CPED1: variants seen among roughly 807,000 people sequenced by gnomAD.
CPED1 encodes cadherin like and PC-esterase domain containing 1.
CPED1 carries 114 observed loss-of-function variants against 128.2 expected under a neutral mutation model. The ratio of observed to expected loss-of-function variants is 0.89; its 90% CI spans 0.76 to 1.04. The LOEUF (loss-of-function observed/expected upper bound fraction) is 1.04, where lower values mean the gene tolerates loss of function less well. Ranked by LOEUF, CPED1 falls within the 50% of genes least tolerant of loss-of-function variation. CPED1 has a pLI of 0.00. For synonymous variants in CPED1, 462 were observed against 426.7 expected, an observed-to-expected ratio of 1.08 and a Z score of -1.02; for missense variants, 1,211 against 1,207.1, an observed-to-expected ratio of 1.00 and a Z score of -0.05.
intron 16 of CPED1, among the ~76,000 whole-genome samples, chr7:121,168,745 T>C (rs1796589226): frequency 1.3e-5 from 2 of 152,230 alleles, no homozygotes; most frequent in Non-Finnish European, 2.9e-5. Flanking sequence ...ACTACCCTTT[T>C]CAGCCTTTGG....
Position 121,266,241 on chromosome 7 carries a change from A to G in CPED1, c.2325A>G (p.Gly775=). 1.9e-6 allele frequency: 3 copies of G among 1,611,680 alleles called. No homozygotes were observed. The highest frequency in any genetic ancestry group is 2.5e-6 in the Non-Finnish European group (3 of 1,178,186). Residue 775 remains glycine (G), a synonymous_variant, in exon 19 of 23, where the codon GGA becomes GGG. Coordinates refer to ENST00000310396, the MANE Select transcript of CPED1 (RefSeq NM_024913.5). ...TTAACTTATAGATTCTGTTCATTGG[A>G]GATTCAACCAACAGAGGGATCATGT... is the stretch of plus-strand genomic sequence containing the variant. ...CLGGRKILFI[G]DSTNRGIMYY...
chr7:121,052,381 G>A (rs112475037), intron 4 of CPED1, among the ~76,000 whole-genome samples: 1,753 of 152,252 alleles, frequency 0.012, 25 homozygotes, highest in Middle Eastern at 0.034. Flanking sequence ...AACTCTTCCC[G>A]TGACTCTTTT....
At position 121,003,269 on chromosome 7, in the gene CPED1, A is replaced by G. The variant is rs373420681; in HGVS notation, c.250-12396A>G. The stretch of plus-strand genomic sequence containing the variant: ...AGCAATTTGTTTGACCATCTAAGAC[A>G]TGATTTCCACTTTAGACCTGACTGA... On this transcript the variant is annotated intron_variant, in intron 2 of 22. Coordinates refer to ENST00000310396, the MANE Select transcript of CPED1 (RefSeq NM_024913.5). 3.9e-5 allele frequency among the ~76,000 whole-genome samples: 6 copies of G among 152,210 alleles called. No individual in the cohort carries two copies. The South Asian group carries it at 1.0e-3, about 26-fold the overall frequency.
chr7:121,099,104 G>T (rs1020410106), intron 6 of CPED1, among the ~76,000 whole-genome samples: 1 of 151,002 alleles, frequency 6.6e-6, no homozygotes, highest in African/African-American at 2.4e-5. Flanking sequence ...GATTGAACTA[G>T]TGGGGAAAGT....
intron 16 of CPED1, among the ~76,000 whole-genome samples, chr7:121,232,980 C>T (rs1356352922): frequency 1.3e-5 from 2 of 152,002 alleles, no homozygotes; most frequent in Non-Finnish European, 2.9e-5. Flanking sequence ...AAATATTACT[C>T]ATTCTTTTGT....
chr7:120,992,835 G>C (rs193275685), intron 2 of CPED1, among the ~76,000 whole-genome samples: 80 of 152,242 alleles, frequency 5.3e-4, no homozygotes, highest in Middle Eastern at 3.4e-3. Context: ...CCTCCTAATG[G>C]AGGGTTCTGT....
At chr7:121,129,315 A>ATATATATATATATATATATACG (rs1306842528) in intron 11 of CPED1, among the ~76,000 whole-genome samples, 2 of 95,884 alleles carry the variant, frequency 2.1e-5, no homozygotes, top group South Asian at 3.4e-4. Flanking sequence ...ATATATACGT[A>ATATATATATATATATATATACG]TATATATATA....
At chr7:121,072,376 C>A (rs1794017307) in intron 5 of CPED1, among the ~76,000 whole-genome samples, 1 of 152,078 alleles carries the variant, frequency 6.6e-6, no homozygotes, top group African/African-American at 2.4e-5. Flanking sequence ...CTCTAAAATA[C>A]TTAGGAAAAT....
At chr7:121,046,450 C>T (rs200020134) in intron 3 of CPED1, among the ~76,000 whole-genome samples, 3 of 152,036 alleles carry the variant, frequency 2.0e-5, no homozygotes, top group Non-Finnish European at 2.9e-5. Context: ...AAGCCCAGAA[C>T]AAAATATTTG....
intron 7 of CPED1, among the ~76,000 whole-genome samples, chr7:121,104,319 T>A (rs1218707014): frequency 2.0e-5 from 3 of 152,186 alleles, no homozygotes; most frequent in Non-Finnish European, 4.4e-5. Context: ...CTATAACTTT[T>A]GGTTAAATGC....
At chr7:121,044,056 C>G (rs929496209) in intron 3 of CPED1, among the ~76,000 whole-genome samples, 1 of 152,186 alleles carries the variant, frequency 6.6e-6, no homozygotes, top group African/African-American at 2.4e-5. Flanking sequence ...CCAACGCTAA[C>G]TTCTCAATGT....
chr7:121,253,400 C>G (rs1265018565), intron 18 of CPED1, among the ~76,000 whole-genome samples: 1 of 151,748 alleles, frequency 6.6e-6, no homozygotes, highest in Non-Finnish European at 1.5e-5. Flanking sequence ...CAACATGGCA[C>G]ATGTATACAT....
At chr7:121,047,728 T>A (rs1330242301) in intron 4 of CPED1, among the ~76,000 whole-genome samples, 3 of 134,056 alleles carry the variant, frequency 2.2e-5, no homozygotes, top group Non-Finnish European at 3.1e-5. Context: ...TTTTTTTTTT[T>A]GAGACGTAAT....
intron 13 of CPED1, 43 bp from the exon 14 acceptor site, chr7:121,135,997 T>C (rs369836112): frequency 3.0e-5 from 42 of 1,382,672 alleles, no homozygotes; most frequent in Non-Finnish European, 3.8e-5. Flanking sequence ...AACATTTTGA[T>C]TAATGGTTTT....
At chr7:121,129,724 A>G (rs1795616152) in intron 11 of CPED1, among the ~76,000 whole-genome samples, 1 of 151,934 alleles carries the variant, frequency 6.6e-6, no homozygotes, top group Admixed American at 6.6e-5. Context: ...GGAGATAACC[A>G]CAGATTTTTA....
At chr7:121,121,302 T>C (rs1004318086) in intron 7 of CPED1, among the ~76,000 whole-genome samples, 57 of 152,338 alleles carry the variant, frequency 3.7e-4, no homozygotes, top group African/African-American at 1.3e-3. Context: ...TCCATCCACT[T>C]GTATCTGAAT....
intron 16 of CPED1, among the ~76,000 whole-genome samples, chr7:121,205,462 T>A (rs1359510489): frequency 1.3e-5 from 2 of 152,070 alleles, no homozygotes; most frequent in Non-Finnish European, 2.9e-5. Flanking sequence ...CTCCATTTTA[T>A]GTACTTTTGG....
chr7:121,260,505 A>G (rs963050153), intron 18 of CPED1, among the ~76,000 whole-genome samples: 4 of 151,916 alleles, frequency 2.6e-5, no homozygotes, highest in African/African-American at 9.7e-5. Flanking sequence ...ATCATTTAGA[A>G]ATGCATGTTT....
At chr7:121,191,637 G>A (rs1241157106) in intron 16 of CPED1, among the ~76,000 whole-genome samples, 3 of 152,104 alleles carry the variant, frequency 2.0e-5, no homozygotes, top group African/African-American at 7.2e-5. Context: ...AAATTTGGGT[G>A]GTTATTGGTT....
Sources: allele counts gnomAD v4.1 joint callset (sites outside exome capture counted in the v4.1 genomes callset), GRCh38; gene constraint gnomAD v4.1.1; transcripts MANE v1.5; gene names NCBI Gene and HGNC (gene_info 2026-07-23, HGNC 2026-07-21).